The following GPC6 variants were observed in gnomAD, a reference collection of about 807,000 sequenced individuals.
GPC6 encodes the protein glypican 6.
GPC6 carries 14 observed loss-of-function variants against 55.2 expected under a neutral mutation model. The ratio of observed to expected loss-of-function variants is 0.25; its 90% CI spans 0.17 to 0.40. The LOEUF (loss-of-function observed/expected upper bound fraction) is 0.40. Ranked by LOEUF, GPC6 falls within the 10% of genes least tolerant of loss-of-function variation. The pLI is 1.00. For synonymous variants in GPC6, 278 were observed against 259.6 expected (o/e 1.07, Z -0.68); for missense variants, 641 against 708.5 (o/e 0.90, Z 1.08).
intron 4 of GPC6, among the ~76,000 whole-genome samples, chr13:94,136,583 G>C (rs1316061015): frequency 6.6e-6 from 1 of 152,140 alleles, no homozygotes; most frequent in African/African-American, 2.4e-5. Context: ...GGTGGTGGGT[G>C]CCTGTAGTCC....
intron 4 of GPC6, among the ~76,000 whole-genome samples, chr13:94,225,293 T>G (rs1890511689): frequency 6.6e-6 from 1 of 152,178 alleles, no homozygotes; most frequent in Non-Finnish European, 1.5e-5. Context: ...TGTGAACTGC[T>G]GATTTCTTTG....
At position 93,612,596 on chromosome 13, in the gene GPC6, C is replaced by G. The variant is rs1878529881; in HGVS notation, c.319+67175C>G. On this transcript the variant is annotated intron_variant, in intron 2 of 8. Transcript: ENST00000377047. ...GGTTAGAATTCTACTGTAATAAAAA[C>G]TTACTGGAAATCAGAGGTTAAAATA... Among the ~76,000 whole-genome samples the G allele has an allele frequency of 4.6e-5, 7 of 151,434 alleles. No homozygotes were observed. The South Asian group carries it at 1.2e-3, about 27-fold the overall frequency.
At chr13:93,935,696 T>G (rs1322480646) in intron 3 of GPC6, among the ~76,000 whole-genome samples, 1 of 152,214 alleles carries the variant, frequency 6.6e-6, no homozygotes, top group Non-Finnish European at 1.5e-5. Context: ...GTTTTGACAT[T>G]CTGAGGCAGA....
intron 3 of GPC6, among the ~76,000 whole-genome samples, chr13:94,013,210 G>A (rs896564461): frequency 4.7e-5 from 5 of 106,462 alleles, no homozygotes; most frequent in African/African-American, 1.6e-4. Flanking sequence ...GTGTGTGCAT[G>A]TGTGTATGTA....
chr13:93,341,058 A>G (rs892360028), intron 1 of GPC6, among the ~76,000 whole-genome samples: 1 of 152,198 alleles, frequency 6.6e-6, no homozygotes, highest in Admixed American at 6.5e-5. Context: ...CTCCAGCTCC[A>G]TCCAAGTTGC....
intron 3 of GPC6, among the ~76,000 whole-genome samples, chr13:94,017,418 A>G (rs1192264702): frequency 6.6e-6 from 1 of 152,178 alleles, no homozygotes; most frequent in African/African-American, 2.4e-5. Context: ...AAGCAACGGT[A>G]CATCTTACAT....
intron 3 of GPC6, 146 bp downstream of exon 3, chr13:93,830,691 A>G (rs934867560): frequency 1.4e-6 from 1 of 707,178 alleles, no homozygotes; most frequent in African/African-American, 1.8e-5. Flanking sequence ...GTTAAATATC[A>G]AAGCATAATT....
chr13:94,016,442 G>T (rs907281509), intron 3 of GPC6, among the ~76,000 whole-genome samples: 5 of 152,028 alleles, frequency 3.3e-5, no homozygotes, highest in Non-Finnish European at 7.4e-5. Flanking sequence ...TCAATTTTTT[G>T]GAATAAATAC....
chr13:93,640,691 C>T (rs1170625482), intron 2 of GPC6, among the ~76,000 whole-genome samples: 1 of 146,852 alleles, frequency 6.8e-6, no homozygotes, highest in Non-Finnish European at 1.5e-5. Flanking sequence ...CCTCCCCGCT[C>T]CCTGTTTCCC....
chr13:93,672,628 T>G (rs1881411234), intron 2 of GPC6, among the ~76,000 whole-genome samples: 2 of 149,744 alleles, frequency 1.3e-5, no homozygotes, highest in South Asian at 2.1e-4. Context: ...TATAGAGCAT[T>G]CTCAGTGTCT....
chr13:93,853,176 T>A (rs1888470474), intron 3 of GPC6, among the ~76,000 whole-genome samples: 1 of 151,638 alleles, frequency 6.6e-6, no homozygotes, highest in African/African-American at 2.4e-5. Flanking sequence ...GGGGATAATT[T>A]TAAAAATTCA....
chr13:94,277,858 G>A lies in GPC6; in HGVS notation c.878-8491G>A, dbSNP rs138446003. Among the ~76,000 whole-genome samples, 1,363 of 152,270 alleles carry A rather than the reference G, an allele frequency of 9.0e-3. 21 individuals are homozygous for A. Among genetic ancestry groups the A allele is most frequent in the African/African-American group, 0.032 (1,310 of 41,552 alleles). On this transcript the variant is annotated intron_variant, in intron 4 of 8. Coordinates refer to ENST00000377047, the MANE Select transcript of GPC6 (RefSeq NM_005708.5). ...ACCTTGTAGTATAGTTTGAACTCAGGTAGCATGATGCCTCCAGCTTTGTTC... is the reference window on the plus strand; with the variant it reads ...ACCTTGTAGTATAGTTTGAACTCAGATAGCATGATGCCTCCAGCTTTGTTC...
At chr13:93,318,316 G>T (rs780760924) in intron 1 of GPC6, among the ~76,000 whole-genome samples, 1 of 149,962 alleles carries the variant, frequency 6.7e-6, no homozygotes, top group Non-Finnish European at 1.5e-5. Context: ...GGACCAAGAA[G>T]AAAAAAAAAG....
intron 6 of GPC6, among the ~76,000 whole-genome samples, chr13:94,329,677 G>C (rs1332879198): frequency 6.6e-6 from 1 of 152,110 alleles, no homozygotes; most frequent in Non-Finnish European, 1.5e-5. Context: ...TCACAACATG[G>C]GATTGAATGG....
intron 3 of GPC6, among the ~76,000 whole-genome samples, chr13:93,897,641 T>A (rs1466103834): frequency 6.6e-6 from 1 of 152,148 alleles, no homozygotes; most frequent in African/African-American, 2.4e-5. Context: ...GCCCCAGATA[T>A]ATGACATACC....
chr13:94,161,681 A>T (rs778132932), intron 4 of GPC6, among the ~76,000 whole-genome samples: 1 of 152,194 alleles, frequency 6.6e-6, no homozygotes, highest in Non-Finnish European at 1.5e-5. Context: ...AGTACTATCT[A>T]AGGAGCCATG....
intron 5 of GPC6, among the ~76,000 whole-genome samples, chr13:94,301,892 G>GT (rs1875671274): frequency 6.6e-6 from 1 of 152,028 alleles, no homozygotes; most frequent in Non-Finnish European, 1.5e-5. Context: ...TTTCTCAATT[G>GT]TTTTTTTCCC....
In GPC6 at chr13:94,287,212, C is replaced by T. The variant is rs533398924; in HGVS notation, c.1008+733C>T. On this transcript the variant is annotated intron_variant, in intron 5 of 8. Coordinates refer to ENST00000377047, the MANE Select transcript of GPC6 (RefSeq NM_005708.5). ...TTTCTCTCCCATAGTGATGACTGCA[C>T]AATGCCCTTCTGTTCTCTTGACTAG... Among the ~76,000 whole-genome samples the T allele has an allele frequency of 2.6e-4, 39 of 152,310 alleles. No homozygotes were observed. In the South Asian group the frequency reaches 7.3e-3, roughly 28 times the overall value.
At chr13:94,039,598 G>C (rs906472525) in intron 4 of GPC6, among the ~76,000 whole-genome samples, 3 of 151,876 alleles carry the variant, frequency 2.0e-5, no homozygotes, top group African/African-American at 7.2e-5. Flanking sequence ...GGTCTTGTTG[G>C]ATTTGAGAAA....
Sources: allele counts gnomAD v4.1 joint callset (sites outside exome capture counted in the v4.1 genomes callset), GRCh38; gene constraint gnomAD v4.1.1; transcripts MANE v1.5; gene names NCBI Gene and HGNC (gene_info 2026-07-23, HGNC 2026-07-21).